RAPGEF4: variants seen among roughly 807,000 people sequenced by gnomAD.
RAPGEF4 encodes the protein Rap guanine nucleotide exchange factor 4.
In RAPGEF4, 66 loss-of-function variants were observed where a neutral mutation model predicts 147.9. That is an observed-to-expected ratio of 0.45 (90% confidence interval 0.37 to 0.55). The LOEUF (loss-of-function observed/expected upper bound fraction) is 0.55. Ranked by LOEUF, RAPGEF4 falls within the 20% of genes least tolerant of loss-of-function variation. The pLI is 0.00. For missense variants in RAPGEF4, 1,071 were observed against 1,257.3 expected, an observed-to-expected ratio of 0.85 and a Z score of 2.24; for synonymous variants, 419 against 442.7, an observed-to-expected ratio of 0.95 and a Z score of 0.67.
intron 4 of RAPGEF4, among the ~76,000 whole-genome samples, chr2:172,864,835 A>C (rs986408549): frequency 6.6e-6 from 1 of 152,164 alleles, no homozygotes; most frequent in African/African-American, 2.4e-5. Flanking sequence ...AACCTGGGAG[A>C]TAGAGGTTGC....
intron 6 of RAPGEF4, among the ~76,000 whole-genome samples, chr2:172,950,402 C>T (rs1200936485): frequency 6.6e-6 from 1 of 152,122 alleles, no homozygotes; most frequent in Non-Finnish European, 1.5e-5. Flanking sequence ...ACTGAAATCA[C>T]GCTATTGAGA....
At chr2:172,825,419 TAA>T (rs999644607) in intron 4 of RAPGEF4, among the ~76,000 whole-genome samples, 37 of 152,376 alleles carry the variant, frequency 2.4e-4, no homozygotes, top group African/African-American at 8.7e-4. Flanking sequence ...TGACCCATCA[TAA>T]GTTAGTGACT....
In RAPGEF4 at chr2:172,869,314, A is replaced by G. The variant is rs150387860; in HGVS notation, c.445-48488A>G. 8.5e-3 allele frequency among the ~76,000 whole-genome samples: 1,288 copies of G among 152,256 alleles called. 34 individuals are homozygous for G. Among genetic ancestry groups the G allele is most frequent in the African/African-American group, 0.029 (1,218 of 41,554 alleles). On this transcript the variant is annotated intron_variant, in intron 4 of 30. Transcript: ENST00000397081. ...TTGATAAATTCTTAGTTATTGTGTTATTGTTTTGGGTTTTTAAAAAAATTA... is the reference window on the plus strand; with the variant it reads ...TTGATAAATTCTTAGTTATTGTGTTGTTGTTTTGGGTTTTTAAAAAAATTA...
chr2:173,043,066 C>T (rs191329015), intron 29 of RAPGEF4, among the ~76,000 whole-genome samples: 29 of 152,088 alleles, frequency 1.9e-4, no homozygotes, highest in Admixed American at 1.7e-3. Context: ...ATCACAGGCA[C>T]AATCTTTGTT....
chr2:173,017,459 G>T lies in RAPGEF4; in HGVS notation c.1963G>T (p.Asp655Tyr). The T allele has an allele frequency of 6.2e-7, 1 of 1,614,150 alleles. No individual in the cohort carries two copies. Among genetic ancestry groups the T allele is most frequent in the Non-Finnish European group, 8.5e-7 (1 of 1,180,006 alleles). Residue 655 changes from aspartate (D) to tyrosine (Y), a missense_variant, in exon 21 of 31, where the codon GAT becomes TAT. Coordinates refer to ENST00000397081, the MANE Select transcript of RAPGEF4 (RefSeq NM_007023.4). ...TCTTTTGCAACAGTTCAATACGGGC[G>T]ATGAGAGAGCCCAGAAGCGCCAGCC... ...KVLLQQFNTGDERAQKRQPIR... is the reference protein window; with the variant it reads ...KVLLQQFNTGYERAQKRQPIR...
chr2:172,776,559 T>G (rs1242562696), intron 1 of RAPGEF4, among the ~76,000 whole-genome samples: 2 of 152,222 alleles, frequency 1.3e-5, no homozygotes, highest in Non-Finnish European at 2.9e-5. Context: ...TTTCATCATA[T>G]GTGGATTAAA....
chr2:173,026,081 A>G (rs1399123062), intron 23 of RAPGEF4, among the ~76,000 whole-genome samples: 1 of 152,188 alleles, frequency 6.6e-6, no homozygotes, highest in Non-Finnish European at 1.5e-5. Flanking sequence ...TCATGACCCC[A>G]GGCAGTGTGT....
chr2:172,832,133 A>G (rs989045320), intron 4 of RAPGEF4, among the ~76,000 whole-genome samples: 6 of 152,162 alleles, frequency 3.9e-5, no homozygotes, highest in Non-Finnish European at 7.4e-5. Context: ...TTGTTTATTA[A>G]AAGTGTTTCT....
At chr2:172,883,104 A>T (rs1312648142) in intron 4 of RAPGEF4, among the ~76,000 whole-genome samples, 1 of 152,130 alleles carries the variant, frequency 6.6e-6, no homozygotes, top group Non-Finnish European at 1.5e-5. Flanking sequence ...ATGTGTTAAA[A>T]AAAAAAAGGA....
At chr2:173,037,178 C>A (rs1469118419) in intron 29 of RAPGEF4, among the ~76,000 whole-genome samples, 4 of 152,154 alleles carry the variant, frequency 2.6e-5, no homozygotes, top group Non-Finnish European at 4.4e-5. Flanking sequence ...ACATGAAAAC[C>A]TTTATAATAA....
chr2:172,884,747 A>G (rs1357594112), intron 4 of RAPGEF4, among the ~76,000 whole-genome samples: 1 of 152,226 alleles, frequency 6.6e-6, no homozygotes. Context: ...TATTTTGAAC[A>G]TGGTCCCTGT....
In RAPGEF4 at chr2:173,017,448, T is replaced by C. The variant is rs1695609654; in HGVS notation, c.1952T>C (p.Phe651Ser). The change falls in exon 21 of 31, where the codon TTC becomes TCC. Residue 651 changes from phenylalanine to serine, a missense_variant. Transcript: ENST00000397081. ...CAGCACAAGGTTCTTTTGCAACAGT[T>C]CAATACGGGCGATGAGAGAGCCCAG... ...QKKHKVLLQQ[F>S]NTGDERAQKR... 6.2e-7 allele frequency: 1 copy of C among 1,614,064 alleles called. No homozygotes were observed. The highest frequency in any genetic ancestry group is 1.7e-5 in the Admixed American group (1 of 60,004).
chr2:172,905,365 G>GGAA (rs1699520980), intron 4 of RAPGEF4, among the ~76,000 whole-genome samples: 1 of 152,202 alleles, frequency 6.6e-6, no homozygotes, highest in African/African-American at 2.4e-5. Flanking sequence ...GTCAATATTT[G>GGAA]TTGACTGACT....
intron 3 of RAPGEF4, among the ~76,000 whole-genome samples, chr2:172,804,231 T>C (rs527317540): frequency 2.0e-4 from 30 of 152,236 alleles, no homozygotes; most frequent in African/African-American, 6.8e-4. Context: ...CAAATTCATA[T>C]TGCCTTCCTG....
chr2:172,917,935 G>C (rs1348918362), intron 5 of RAPGEF4, 61 bp downstream of exon 5: 2 of 1,436,514 alleles, frequency 1.4e-6, no homozygotes. Flanking sequence ...GTGTTTTCAT[G>C]TGACAAAAAA....
chr2:173,022,381 C>G (rs1051265888), intron 23 of RAPGEF4, among the ~76,000 whole-genome samples: 1 of 152,226 alleles, frequency 6.6e-6, no homozygotes, highest in Non-Finnish European at 1.5e-5. Flanking sequence ...ATTGAGTACC[C>G]TGGGCATGAA....
chr2:172,804,005 C>T lies in RAPGEF4; in HGVS notation c.297+6392C>T, dbSNP rs1418982294. ...AAGACCTGCCCCCATAATTCAATTTCCTTCCACCAGTTCCTCCCATGACAT... is the reference window on the plus strand; with the variant it reads ...AAGACCTGCCCCCATAATTCAATTTTCTTCCACCAGTTCCTCCCATGACAT... On this transcript the variant is annotated intron_variant, in intron 3 of 30. Transcript: ENST00000397081. 1.3e-5 allele frequency among the ~76,000 whole-genome samples: 2 copies of T among 152,168 alleles called. 1 individual carries two copies. The highest frequency in any genetic ancestry group is 4.8e-5 in the African/African-American group (2 of 41,442).
At chr2:172,795,253 G>C in intron 2 of RAPGEF4, 86 bp downstream of exon 2, 1 of 1,323,258 alleles carries the variant, frequency 7.6e-7, no homozygotes, top group Non-Finnish European at 1.1e-6. Context: ...AGCAAATGGA[G>C]TATTTATGTG....
chr2:172,979,678 T>C (rs2105628116), intron 10 of RAPGEF4, among the ~76,000 whole-genome samples: 1 of 152,318 alleles, frequency 6.6e-6, no homozygotes, highest in South Asian at 2.1e-4. Flanking sequence ...TGACAGTATG[T>C]TGTAATTACC....
Sources: gnomAD v4.1 joint callset for allele counts (sites outside exome capture counted in the v4.1 genomes callset) on GRCh38, gnomAD v4.1.1 for gene constraint, MANE v1.5 for transcripts, NCBI Gene and HGNC (gene_info 2026-07-23, HGNC 2026-07-21) for gene names.